Variants in EIF2B3 observed in about 807,000 individuals in gnomAD.
The protein encoded by EIF2B3 is translation initiation factor eIF2B subunit gamma.
EIF2B3 carries 20 observed loss-of-function variants against 54.1 expected under a neutral mutation model. The observed-to-expected ratio is 0.37, with a 90% CI of 0.26 to 0.54. The LOEUF is 0.54. Among genes scored for constraint, EIF2B3 ranks in the 20% least tolerant of loss-of-function variants. The probability of loss-of-function intolerance (pLI) is 0.86; values close to 1 mark genes in which losing one functional copy is unlikely to be tolerated. For synonymous variants in EIF2B3, 153 were observed against 188.1 expected, an observed-to-expected ratio of 0.81 and a Z score of 1.52; for missense variants, 448 against 547.8, an observed-to-expected ratio of 0.82 and a Z score of 1.82.
In EIF2B3 at chr1:44,876,507, G is replaced by A. The variant is rs1441665682; in HGVS notation, c.976-812C>T. On this transcript the variant is annotated intron_variant, in intron 8 of 11. Coordinates refer to ENST00000360403, the MANE Select transcript of EIF2B3 (RefSeq NM_020365.5). ...TGAGAAGTGAGGAGCCCCTCCGTCC[G>A]GCAGCCACCCCGTCTGGGAAGTGAG... is the stretch of plus-strand genomic sequence containing the variant. Among the ~76,000 whole-genome samples, 2 of 103,760 alleles carry A rather than the reference G, an allele frequency of 1.9e-5. 1 individual carries two copies. The highest frequency in any genetic ancestry group is 2.1e-4 in the Admixed American group (2 of 9,700). 68.1% of individuals were successfully genotyped at this position (103,760 alleles called of 152,430 possible).
intron 5 of EIF2B3, among the ~76,000 whole-genome samples, chr1:44,905,856 G>A (rs1643402192): frequency 6.6e-6 from 1 of 152,144 alleles, no homozygotes; most frequent in East Asian, 1.9e-4. Context: ...ACTAATGAGA[G>A]CCACATGTCT....
intron 10 of EIF2B3, among the ~76,000 whole-genome samples, chr1:44,866,306 G>A (rs1381082125): frequency 6.6e-6 from 1 of 151,502 alleles, no homozygotes; most frequent in Non-Finnish European, 1.5e-5. Flanking sequence ...GCTGAGGCTG[G>A]AGAACTGCTT....
intron 6 of EIF2B3, among the ~76,000 whole-genome samples, chr1:44,882,414 G>C (rs925154925): frequency 6.6e-6 from 1 of 152,088 alleles, no homozygotes; most frequent in African/African-American, 2.4e-5. Flanking sequence ...CCTGGACATA[G>C]GCTGAGCTAA....
At chr1:44,948,432 A>G (rs974173467) in intron 3 of EIF2B3, among the ~76,000 whole-genome samples, 4 of 151,944 alleles carry the variant, frequency 2.6e-5, no homozygotes, top group African/African-American at 9.7e-5. Context: ...GTTTTCCCTT[A>G]TTCTAATCCA....
chr1:44,908,435 A>G (rs550771358), intron 5 of EIF2B3, among the ~76,000 whole-genome samples: 7 of 152,376 alleles, frequency 4.6e-5, no homozygotes, highest in African/African-American at 1.7e-4. Context: ...TGAAAGAAAA[A>G]TAAGTTCTTA....
intron 8 of EIF2B3, among the ~76,000 whole-genome samples, chr1:44,877,107 CTTGT>C (rs1275368482): frequency 7.1e-6 from 1 of 141,790 alleles, no homozygotes; most frequent in African/African-American, 2.6e-5. Context: ...CCTTTGTTCA[CTTGT>C]TTATCTGCTG....
intron 5 of EIF2B3, among the ~76,000 whole-genome samples, chr1:44,903,727 T>A (rs1311316244): frequency 1.3e-5 from 2 of 152,228 alleles, no homozygotes; most frequent in African/African-American, 4.8e-5. Context: ...CTGGTATGCA[T>A]GTTGATATAG....
At chr1:44,903,962 A>C (rs1364369278) in intron 5 of EIF2B3, among the ~76,000 whole-genome samples, 2 of 152,168 alleles carry the variant, frequency 1.3e-5, no homozygotes, top group Non-Finnish European at 2.9e-5. Flanking sequence ...CTGTAATCTC[A>C]GCTACTCAGG....
At chr1:44,904,861 C>T (rs1354950847) in intron 5 of EIF2B3, among the ~76,000 whole-genome samples, 2 of 152,134 alleles carry the variant, frequency 1.3e-5, no homozygotes, top group East Asian at 1.9e-4. Context: ...TCTTCTCTCC[C>T]GCTAAAAGAA....
intron 10 of EIF2B3, among the ~76,000 whole-genome samples, chr1:44,865,468 CA>C (rs1174777287): frequency 6.6e-6 from 1 of 151,966 alleles, no homozygotes; most frequent in Non-Finnish European, 1.5e-5. Flanking sequence ...TAGGTTATTT[CA>C]TTTTATTATA....
rs1198371754 is a variant in EIF2B3 at position 44,862,182 on chromosome 1, G to T, written c.1203-4375C>A. ...GTTCCAGACTAGAATTACAGCTTCT[G>T]CATCCTAGTTTTAACTCTCAGGTTG... On this transcript the variant is annotated intron_variant, in intron 10 of 11. Transcript: ENST00000360403. Among the ~76,000 whole-genome samples, 2 of 152,172 alleles carry T rather than the reference G, an allele frequency of 1.3e-5. 1 individual carries two copies. The highest frequency in any genetic ancestry group is 2.9e-5 in the Non-Finnish European group (2 of 68,036).
At chr1:44,913,689 T>C (rs1393149413) in intron 5 of EIF2B3, among the ~76,000 whole-genome samples, 1 of 145,836 alleles carries the variant, frequency 6.9e-6, no homozygotes, top group Non-Finnish European at 1.5e-5. Flanking sequence ...AAAACTGAGA[T>C]GGGGGTCACA....
chr1:44,889,798 G>A (rs1314238645), intron 6 of EIF2B3, among the ~76,000 whole-genome samples: 1 of 151,980 alleles, frequency 6.6e-6, no homozygotes, highest in African/African-American at 2.4e-5. Context: ...CAAAGTGCTG[G>A]GATTACAGGT....
chr1:44,862,669 G>A lies in EIF2B3; in HGVS notation c.1203-4862C>T, dbSNP rs144547119. Among the ~76,000 whole-genome samples the A allele has an allele frequency of 6.7e-3, 1,018 of 152,176 alleles. 13 individuals carry two copies. The highest frequency in any genetic ancestry group is 0.023 in the African/African-American group (967 of 41,514). ...GAGATGGAGTCTCACACTGTCGCCCGGACTGGAGTGCAGTGGCGCGATCTC... is the reference window on the plus strand; with the variant it reads ...GAGATGGAGTCTCACACTGTCGCCCAGACTGGAGTGCAGTGGCGCGATCTC... On this transcript the variant is annotated intron_variant, in intron 10 of 11. Transcript: ENST00000360403.
intron 11 of EIF2B3, among the ~76,000 whole-genome samples, chr1:44,852,100 C>T (rs900772497): frequency 1.3e-5 from 2 of 151,456 alleles, no homozygotes; most frequent in Non-Finnish European, 2.9e-5. Flanking sequence ...AGGCATATGA[C>T]GCCACACATG....
rs768615168 is a variant in EIF2B3, at chr1:44,941,643, C to G, written c.317G>C (p.Cys106Ser). 1 of 1,614,130 alleles carries G rather than the reference C, an allele frequency of 6.2e-7. No individual in the cohort carries two copies. Among genetic ancestry groups the G allele is most frequent in the Non-Finnish European group, 8.5e-7 (1 of 1,180,020 alleles). The stretch of plus-strand genomic sequence containing the variant: ...TAAGGCAACGTCTGTTATCAGATCA[C>G]AGCTCAGCACCAGCACATCTGTCTG... ...KLKTDVLVLS[C>S]DLITDVALHE... The change falls in exon 4 of 12, where the codon TGT becomes TCT. Residue 106 changes from cysteine to serine, a missense_variant. Physicochemically the swap from Cys to Ser is moderately radical, Grantham distance 112 (BLOSUM62 -1). This residue lies in a region of EIF2B3 where 3 missense variants were observed against 17.9 expected (regional missense o/e 0.17). Transcript: ENST00000360403.
rs75219275 is a variant in EIF2B3 at position 44,879,364 on chromosome 1, A to C, written c.975+454T>G. ...TGCTGTTTGCAGACAATTCTCTCTC[A>C]AAGTCATTCCTTTCCTGAGGCTTTG... On this transcript the variant is annotated intron_variant, in intron 8 of 11. Coordinates refer to ENST00000360403, the MANE Select transcript of EIF2B3 (RefSeq NM_020365.5). 8.8e-3 allele frequency among the ~76,000 whole-genome samples: 1,345 copies of C among 152,288 alleles called. 11 individuals carry two copies. Among genetic ancestry groups the C allele is most frequent in the Non-Finnish European group, 0.013 (881 of 68,022 alleles).
chr1:44,881,596 C>T lies in EIF2B3; in HGVS notation c.784+16G>A, dbSNP rs755279788. On this transcript the variant is annotated intron_variant, in intron 7 of 11. Transcript: ENST00000360403. This position sits in a 1 kb window ranked among gnomAD's most constrained non-coding sequence, Gnocchi z 4.0. The stretch of plus-strand genomic sequence containing the variant: ...GCTACCCTTGCCCCTCTTACTGAAC[C>T]AACCCAAGAACTGACCTAAGGACTT... 5.6e-6 allele frequency: 9 copies of T among 1,613,682 alleles called. No individual in the cohort carries two copies. The highest frequency in any genetic ancestry group is 1.3e-5 in the African/African-American group (1 of 74,926).
intron 3 of EIF2B3, among the ~76,000 whole-genome samples, chr1:44,975,128 A>T (rs1365113314): frequency 6.6e-6 from 1 of 152,100 alleles, no homozygotes; most frequent in Non-Finnish European, 1.5e-5. Context: ...TGATGTGGAG[A>T]TCACTTGAGC....
Sources: allele counts gnomAD v4.1 joint callset (sites outside exome capture counted in the v4.1 genomes callset), GRCh38; gene constraint gnomAD v4.1.1; regional missense constraint gnomAD v4.1.1; non-coding constraint Gnocchi (gnomAD v3.1); transcripts MANE v1.5; gene names NCBI Gene and HGNC (gene_info 2026-07-23, HGNC 2026-07-21).